The following SAMD14 variants were observed in gnomAD, a reference collection of about 807,000 sequenced individuals.
SAMD14 encodes sterile alpha motif domain-containing protein 14.
Under a neutral mutation model 46.2 loss-of-function variants are expected in SAMD14, and 27 were observed. That is an observed-to-expected ratio of 0.58 (90% confidence interval 0.43 to 0.81). The LOEUF (loss-of-function observed/expected upper bound fraction) is 0.81, where lower values mean the gene tolerates loss of function less well. Ranked by LOEUF, SAMD14 falls within the 30% of genes least tolerant of loss-of-function variation. The pLI is 0.00. For synonymous variants in SAMD14, 241 were observed against 254.3 expected (o/e 0.95, Z 0.50); for missense variants, 559 against 582.2 (o/e 0.96, Z 0.41).
Position 50,110,252 on chromosome 17 carries a change from G to A in SAMD14, c.*2641C>T, listed in dbSNP as rs1056031873. On this transcript the variant is annotated 3_prime_UTR_variant, in exon 10 of 10. Transcript: ENST00000330175. ...GAAGTCACTGCGGTGATAGGTCTGT[G>A]ATGGTCCCTAAGTGCCAGTCCATCT... is the stretch of plus-strand genomic sequence containing the variant. 1.3e-6 allele frequency: 1 copy of A among 771,038 alleles called. No homozygotes were observed. The highest frequency in any genetic ancestry group is 1.8e-5 in the African/African-American group (1 of 56,866). 47.8% of individuals were successfully genotyped at this position (771,038 alleles called of 1,614,324 possible).
chr17:50,124,761 ACGCGCG>A (rs868338823), intron 2 of SAMD14, among the ~76,000 whole-genome samples, 150 bp downstream of exon 2: 5 of 108,094 alleles, frequency 4.6e-5, no homozygotes, highest in Admixed American at 1.8e-4. Context: ...GCACGCGTGC[ACGCGCG>A]CGCGCACACA....
At chr17:50,117,339 G>T in intron 4 of SAMD14, 68 bp downstream of exon 4, 1 of 1,252,332 alleles carries the variant, frequency 8.0e-7, no homozygotes, top group Non-Finnish European at 1.0e-6. Context: ...TGCGGTGCGC[G>T]CCGGGACCGG....
At chr17:50,113,321 C>T in intron 9 of SAMD14, 1 of 424,960 alleles carries the variant, frequency 2.4e-6, no homozygotes, top group Non-Finnish European at 4.2e-6. Context: ...TCAGCCTTGG[C>T]CCGGACCTGC....
chr17:50,124,771 G>GCACGCGCACGCACACACACA, intron 2 of SAMD14, 146 bp downstream of exon 2: 1 of 567,466 alleles, frequency 1.8e-6, no homozygotes, highest in East Asian at 3.5e-5. Flanking sequence ...ACGCGCGCGC[G>GCACGCGCACGCACACACACA]CACACACACA....
Position 50,117,708 on chromosome 17 carries a change from G to T in SAMD14, c.211-13C>A, listed in dbSNP as rs758640612. On this transcript the variant is annotated splice_polypyrimidine_tract_variant and intron_variant, in intron 3 of 9. Transcript: ENST00000330175. Reference sequence around the variant, plus strand: ...AGCCATCGGTCACCTGGACGAGGGGGCAGCCGCTCACCGAGAACCCTCCTC... The same window carrying T: ...AGCCATCGGTCACCTGGACGAGGGGTCAGCCGCTCACCGAGAACCCTCCTC... The T allele has an allele frequency of 1.4e-6, 2 of 1,427,956 alleles. No individual in the cohort carries two copies. The highest frequency in any genetic ancestry group is 9.1e-7 in the Non-Finnish European group (1 of 1,096,774). 88.5% of individuals were successfully genotyped at this position (1,427,956 alleles called of 1,614,324 possible).
chr17:50,124,771 GCACA>G lies in SAMD14; in HGVS notation c.43+142_43+145del, dbSNP rs10522793. On this transcript the variant is annotated intron_variant, in intron 2 of 9. Transcript: ENST00000330175. Reference sequence around the variant, plus strand: ...TACCTGCACGCGTGCACGCGCGCGCGCACACACACACACACACACACACACACAC... The same window carrying G: ...TACCTGCACGCGTGCACGCGCGCGCGCACACACACACACACACACACACAC... 3.9e-3 allele frequency: 2,237 copies of G among 568,624 alleles called. 3 individuals are homozygous for G. The highest frequency in any genetic ancestry group is 0.01 in the Admixed American group (365 of 36,498). 35.2% of individuals were successfully genotyped at this position (568,624 alleles called of 1,614,324 possible).
intron 2 of SAMD14, among the ~76,000 whole-genome samples, chr17:50,119,639 A>G (rs1911408287): frequency 6.6e-6 from 1 of 152,146 alleles, no homozygotes; most frequent in Non-Finnish European, 1.5e-5. Flanking sequence ...CATCAAAATG[A>G]ACCGATCATG....
intron 9 of SAMD14, 123 bp downstream of exon 9, chr17:50,113,801 T>C: frequency 8.8e-7 from 1 of 1,137,796 alleles, no homozygotes; most frequent in South Asian, 1.5e-5. Context: ...TGGCCACAGA[T>C]GGAGTGAAAA....
At position 50,111,508 on chromosome 17, in the gene SAMD14, C is replaced by T. The variant is rs538275405; in HGVS notation, c.*1385G>A. On this transcript the variant is annotated 3_prime_UTR_variant, in exon 10 of 10. Transcript: ENST00000330175. ...TCCCTCCGAAGCCCCTCTCCCAGCA[C>T]AGATAGCAGAGGGGGGATAAGGGCT... 1.5e-4 allele frequency: 23 copies of T among 152,398 alleles called. No homozygotes were observed. Among genetic ancestry groups the T allele is most frequent in the African/African-American group, 5.5e-4 (23 of 41,558 alleles). 9.4% of individuals were successfully genotyped at this position (152,398 alleles called of 1,614,324 possible).
In SAMD14 at chr17:50,128,490, A is replaced by T. The variant is rs1188182766; in HGVS notation, c.-13+1027T>A. 6.1e-5 allele frequency among the ~76,000 whole-genome samples: 9 copies of T among 147,552 alleles called. No individual in the cohort carries two copies. In the East Asian group the frequency reaches 1.8e-3, roughly 29 times the overall value. On this transcript the variant is annotated intron_variant, in intron 1 of 9. Transcript: ENST00000330175. The stretch of plus-strand genomic sequence containing the variant: ...ACACCCCGCACACTCTCTCACACAC[A>T]CACACACACACACACACACACACCC...
chr17:50,117,498 G>A lies in SAMD14; in HGVS notation c.408C>T (p.Ala136=), dbSNP rs1395857719. The change falls in exon 4 of 10, where the codon GCC becomes GCT. Residue 136 remains alanine (A), a synonymous_variant. Transcript: ENST00000330175. ...CGGAGCGCGGCGGAGAGCAGGAGGC[G>A]GCGGCCAGGCCCTCGTGCGACGCAG... The part of the protein sequence containing the change: ...HNAASHEGLA[A]ASCSPPRSAP... The A allele has an allele frequency of 2.8e-6, 4 of 1,453,086 alleles. No homozygotes were observed. The highest frequency in any genetic ancestry group is 3.6e-6 in the Non-Finnish European group (4 of 1,112,492). 90.0% of individuals were successfully genotyped at this position (1,453,086 alleles called of 1,614,324 possible).
At chr17:50,121,805 C>T (rs559912634) in intron 2 of SAMD14, among the ~76,000 whole-genome samples, 1,706 of 106,124 alleles carry the variant, frequency 0.016, 8 homozygotes, top group Non-Finnish European at 0.024. Context: ...GAGCACTGGC[C>T]CTGGCCCAGA....
chr17:50,117,808 G>T, intron 3 of SAMD14, 113 bp from the exon 4 acceptor site: 1 of 1,172,000 alleles, frequency 8.5e-7, no homozygotes. Context: ...GGGCCTAGAG[G>T]GAGGGTTTCC....
At position 50,127,452 on chromosome 17, in the gene SAMD14, T is replaced by C. The variant is rs138799608; in HGVS notation, c.-13+2065A>G. On this transcript the variant is annotated intron_variant, in intron 1 of 9. Transcript: ENST00000330175. ...AACTGTCTCTACTAAAAATACAAAA[T>C]TAGCCGGGTGTGGTGGCACATTCCT... Among the ~76,000 whole-genome samples, 686 of 151,980 alleles carry C rather than the reference T, an allele frequency of 4.5e-3. 3 individuals are homozygous for C. The highest frequency in any genetic ancestry group is 0.016 in the African/African-American group (661 of 41,462).
rs1236620811 is a variant in SAMD14, at chr17:50,115,803, G to A, written c.662+27C>T. On this transcript the variant is annotated intron_variant, in intron 6 of 9. Coordinates refer to ENST00000330175, the MANE Select transcript of SAMD14 (RefSeq NM_001257359.2). This position sits in a 1 kb window ranked among gnomAD's most constrained non-coding sequence, Gnocchi z 5.3. ...ATGGGGAGCCAGGGGCGGGAGCTGT[G>A]GGTGGGCCGCCATGGGCACCTCTCA... 3.7e-6 allele frequency: 6 copies of A among 1,612,616 alleles called. No homozygotes were observed. Among genetic ancestry groups the A allele is most frequent in the Middle Eastern group, 1.6e-4 (1 of 6,062 alleles).
intron 3 of SAMD14, 32 bp from the exon 4 acceptor site, chr17:50,117,727 C>G: frequency 7.1e-7 from 1 of 1,406,454 alleles, no homozygotes; most frequent in South Asian, 1.6e-5. Context: ...CACCGAGAAC[C>G]CTCCTCCTCC....
chr17:50,119,556 C>CT (rs778787786), intron 2 of SAMD14, among the ~76,000 whole-genome samples: 33 of 152,180 alleles, frequency 2.2e-4, no homozygotes, highest in Non-Finnish European at 2.8e-4. Flanking sequence ...CCCCTGAATT[C>CT]TGAGTGTGGG....
intron 2 of SAMD14, 113 bp downstream of exon 2, chr17:50,124,804 C>T: frequency 9.8e-7 from 1 of 1,020,822 alleles, no homozygotes; most frequent in Non-Finnish European, 1.5e-6. Flanking sequence ...CACACACACA[C>T]ACACTCTGAA....
chr17:50,124,765 GCGCGCGCA>G (rs1441814972), intron 2 of SAMD14, 144 bp downstream of exon 2: 22 of 634,968 alleles, frequency 3.5e-5, no homozygotes, highest in Non-Finnish European at 4.9e-5. Context: ...GCGTGCACGC[GCGCGCGCA>G]CACACACACA....
Sources: allele counts gnomAD v4.1 joint callset (sites outside exome capture counted in the v4.1 genomes callset), GRCh38; gene constraint gnomAD v4.1.1; non-coding constraint Gnocchi (gnomAD v3.1); transcripts MANE v1.5; gene names NCBI Gene and HGNC (gene_info 2026-07-23, HGNC 2026-07-21).